RAD54B: variants seen among roughly 807,000 people sequenced by gnomAD.
RAD54B encodes RAD54 homolog B.
RAD54B carries 78 observed loss-of-function variants against 95.8 expected under a neutral mutation model. The ratio of observed to expected loss-of-function variants is 0.81; its 90% CI spans 0.68 to 0.98. The LOEUF (loss-of-function observed/expected upper bound fraction) is 0.98, where lower values mean the gene tolerates loss of function less well. Ranked by LOEUF, RAD54B falls within the 50% of genes least tolerant of loss-of-function variation. RAD54B has a pLI of 0.00. For missense variants in RAD54B, 957 were observed against 1,056.6 expected (o/e 0.91, Z 1.31); for synonymous variants, 328 against 354.9 (o/e 0.92, Z 0.85).
chr8:94,474,692 A>C (rs1813255385), intron 1 of RAD54B, among the ~76,000 whole-genome samples: 1 of 140,300 alleles, frequency 7.1e-6, no homozygotes, highest in African/African-American at 2.6e-5. Flanking sequence ...CCAAAAGCCA[A>C]GAGGAGCCTG....
rs2450560 is a variant in RAD54B at position 94,400,010 on chromosome 8, C to T, written c.1170+228G>A. Reference sequence around the variant, plus strand: ...CCCTCACGACCTCATTTAAACCTAACTACCTCCCAAGCCCACCTCCTAATA... The same window carrying T: ...CCCTCACGACCTCATTTAAACCTAATTACCTCCCAAGCCCACCTCCTAATA... On this transcript the variant is annotated intron_variant, in intron 7 of 14. Coordinates refer to ENST00000336148, the MANE Select transcript of RAD54B (RefSeq NM_012415.3). Among the ~76,000 whole-genome samples the T allele has an allele frequency of 0.88, 133,731 of 152,068 alleles. 59,689 individuals carry two copies. Among genetic ancestry groups the T allele is most frequent in the Non-Finnish European group, 0.96 (65,109 of 68,004 alleles).
intron 3 of RAD54B, among the ~76,000 whole-genome samples, chr8:94,413,325 C>T (rs957749555): frequency 6.6e-6 from 1 of 152,144 alleles, no homozygotes; most frequent in Non-Finnish European, 1.5e-5. Context: ...TTTGGTACTG[C>T]CCTTCCTCTC....
intron 3 of RAD54B, among the ~76,000 whole-genome samples, chr8:94,442,530 G>T (rs780400683): frequency 6.7e-6 from 1 of 148,380 alleles, no homozygotes; most frequent in East Asian, 2.0e-4. Context: ...AGCCGAGATC[G>T]CGCCACCGCA....
Position 94,467,469 on chromosome 8 carries a change from C to T in RAD54B, c.71G>A (p.Gly24Glu), listed in dbSNP as rs1813056369. ...SFKKPKFIPP[G>E]RSNPGLNEEI... ...TTCATTCAGACCTGGATTACTTCTT[C>T]CTGGAGGTATAAATTTTGGTTTTTT... The change falls in exon 2 of 15, where the codon GGA (glycine) becomes GAA (glutamate). Residue 24 changes from glycine (G) to glutamate (E), a missense_variant. Gly to Glu is a moderately conservative substitution (Grantham distance 98). Transcript: ENST00000336148. 6.8e-6 allele frequency: 11 copies of T among 1,613,570 alleles called. No individual in the cohort carries two copies. The East Asian group carries it at 2.5e-4, about 36-fold the overall frequency.
intron 14 of RAD54B, 131 bp from the exon 15 acceptor site, chr8:94,372,518 A>C (rs1810466313): frequency 3.5e-6 from 5 of 1,431,746 alleles, no homozygotes; most frequent in Non-Finnish European, 4.6e-6. Flanking sequence ...AGTTAAAACA[A>C]ATTCATTCTT....
At chr8:94,388,118 A>G (rs1208787098) in intron 10 of RAD54B, among the ~76,000 whole-genome samples, 1 of 152,164 alleles carries the variant, frequency 6.6e-6, no homozygotes, top group Non-Finnish European at 1.5e-5. Context: ...TATCTAATTG[A>G]GCAGTTAATG....
intron 3 of RAD54B, among the ~76,000 whole-genome samples, chr8:94,417,685 A>G (rs1811709677): frequency 6.6e-6 from 1 of 152,076 alleles, no homozygotes; most frequent in South Asian, 2.1e-4. Context: ...AGAAGAAGAA[A>G]GAAAAAGAAG....
chr8:94,372,430 T>A, intron 14 of RAD54B, 43 bp from the exon 15 acceptor site: 1 of 1,599,246 alleles, frequency 6.3e-7, no homozygotes, highest in South Asian at 1.1e-5. Context: ...GGCAAGCCAA[T>A]ATCCTGCTAA....
At chr8:94,450,739 G>C (rs1812636308) in intron 3 of RAD54B, among the ~76,000 whole-genome samples, 1 of 152,056 alleles carries the variant, frequency 6.6e-6, no homozygotes, top group Non-Finnish European at 1.5e-5. Flanking sequence ...AATTAGCTGA[G>C]TGTGGTGGTG....
At chr8:94,390,559 A>ATT (rs1164268837) in intron 10 of RAD54B, among the ~76,000 whole-genome samples, 2 of 148,230 alleles carry the variant, frequency 1.3e-5, no homozygotes, top group African/African-American at 2.5e-5. Flanking sequence ...CCAGAATAAG[A>ATT]TTATATATAT....
At chr8:94,436,457 C>G in intron 3 of RAD54B, 2 of 1,489,824 alleles carry the variant, frequency 1.3e-6, no homozygotes, top group Non-Finnish European at 1.8e-6. Context: ...AGATAGGAGG[C>G]GCCATAATTT....
Position 94,467,396 on chromosome 8 carries a change from T to C in RAD54B, c.135+9A>G. 2 of 1,596,622 alleles carry C rather than the reference T, an allele frequency of 1.3e-6. No individual in the cohort carries two copies. Among genetic ancestry groups the C allele is most frequent in the Non-Finnish European group, 1.7e-6 (2 of 1,170,226 alleles). On this transcript the variant is annotated intron_variant, in intron 2 of 14. Coordinates refer to ENST00000336148, the MANE Select transcript of RAD54B (RefSeq NM_012415.3). Reference sequence around the variant, plus strand: ...TATTATCTATATCATGAGTCTTTTTTTGCCTTACCTCAAATAATTTTATAT... The same window carrying C: ...TATTATCTATATCATGAGTCTTTTTCTGCCTTACCTCAAATAATTTTATAT...
At position 94,407,326 on chromosome 8, in the gene RAD54B, A is replaced by T. The variant is rs1811415175; in HGVS notation, c.781+113T>A. 4.0e-6 allele frequency: 4 copies of T among 1,011,592 alleles called. No individual in the cohort carries two copies. In the South Asian group the frequency reaches 5.3e-5, roughly 13 times the overall value. 62.7% of individuals were successfully genotyped at this position (1,011,592 alleles called of 1,614,324 possible). A position where few individuals can be genotyped will look rare whatever the true frequency, so the allele number is the denominator to read the frequency against. ...TTATGTCAGATTATATATCTCAAGA[A>T]TAATGTATACTTTCACCTAAAACTT... On this transcript the variant is annotated intron_variant, in intron 5 of 14. Transcript: ENST00000336148.
chr8:94,425,621 TCA>T (rs1034676997), intron 3 of RAD54B, among the ~76,000 whole-genome samples: 19 of 152,296 alleles, frequency 1.2e-4, no homozygotes, highest in South Asian at 2.1e-4. Flanking sequence ...TGATAATCAC[TCA>T]CAGTTTTCTT....
intron 2 of RAD54B, among the ~76,000 whole-genome samples, chr8:94,464,619 G>A (rs1314872774): frequency 6.6e-6 from 1 of 152,202 alleles, no homozygotes; most frequent in African/African-American, 2.4e-5. Flanking sequence ...AAAATTGATT[G>A]TGGAGATGGC....
intron 6 of RAD54B, among the ~76,000 whole-genome samples, chr8:94,401,238 A>C (rs1462141232): frequency 2.0e-5 from 3 of 152,070 alleles, no homozygotes; most frequent in Non-Finnish European, 2.9e-5. Flanking sequence ...TTTTTCAATA[A>C]ATGTTATAAA....
chr8:94,372,690 A>C (rs1204244726), intron 14 of RAD54B, among the ~76,000 whole-genome samples: 1 of 152,200 alleles, frequency 6.6e-6, no homozygotes, highest in Non-Finnish European at 1.5e-5. Context: ...TACAAATTCA[A>C]AATCCCTTTC....
At chr8:94,373,260 C>T (rs752034563) in intron 14 of RAD54B, among the ~76,000 whole-genome samples, 27 of 152,178 alleles carry the variant, frequency 1.8e-4, no homozygotes, top group Non-Finnish European at 3.4e-4. Context: ...AAGTAATGCA[C>T]AGTGAAGCAA....
chr8:94,422,334 C>T, intron 3 of RAD54B, among the ~76,000 whole-genome samples: 1 of 151,522 alleles, frequency 6.6e-6, no homozygotes, highest in Non-Finnish European at 1.5e-5. Context: ...CACCTGTAAT[C>T]CCAGCACTTT....
Sources: allele counts gnomAD v4.1 joint callset (sites outside exome capture counted in the v4.1 genomes callset), GRCh38; gene constraint gnomAD v4.1.1; transcripts MANE v1.5; gene names NCBI Gene and HGNC (gene_info 2026-07-23, HGNC 2026-07-21).